The following JAKMIP3 variants were observed in gnomAD, a reference collection of about 807,000 sequenced individuals.
JAKMIP3 encodes Janus kinase and microtubule interacting protein 3, also known as janus kinase and microtubule-interacting protein 3.
A neutral mutation model predicts 118.5 loss-of-function variants in JAKMIP3; 58 were observed. That is an observed-to-expected ratio of 0.49 (90% CI 0.40 to 0.61). JAKMIP3 has a LOEUF of 0.61. JAKMIP3 is among the 20% of genes least tolerant of loss of function. The probability of loss-of-function intolerance (pLI) is 0.00; values close to 1 mark genes in which losing one functional copy is unlikely to be tolerated. For missense variants in JAKMIP3, 950 were observed against 1,109.0 expected (o/e 0.86, Z 2.04); for synonymous variants, 486 against 451.2 (o/e 1.08, Z -0.98).
chr10:132,134,969 C>T (rs529294786), intron 4 of JAKMIP3, 72 bp from the exon 5 acceptor site: 68 of 1,569,342 alleles, frequency 4.3e-5, no homozygotes, highest in African/African-American at 3.6e-4. Context: ...GTTCCCGTAG[C>T]GTGCTGGGAT....
Position 132,145,108 on chromosome 10 carries a change from C to T in JAKMIP3, c.1604C>T (p.Thr535Ile), listed in dbSNP as rs200950786. The change falls in exon 12 of 24, where the codon ACC becomes ATC. Residue 535 changes from threonine to isoleucine, a missense_variant and splice_region_variant. Physicochemically the swap from Thr to Ile is moderately conservative, Grantham distance 89. Transcript: ENST00000684848. ...GTLDAEREVK[T>I]REQLQAEVQR... The stretch of plus-strand genomic sequence containing the variant: ...TGTATCTTTCCTCCCGTCCTACAGA[C>T]CCGTGAGCAGCTACAAGCCGAAGTG... The T allele has an allele frequency of 2.1e-5, 34 of 1,612,000 alleles. No individual in the cohort carries two copies. Among genetic ancestry groups the T allele is most frequent in the East Asian group, 4.5e-5 (2 of 44,848 alleles).
At chr10:132,089,397 G>A (rs914281831) in intron 1 of JAKMIP3, among the ~76,000 whole-genome samples, 4 of 152,156 alleles carry the variant, frequency 2.6e-5, no homozygotes, top group African/African-American at 9.7e-5. Flanking sequence ...GCAGTGGTTT[G>A]TAGTTCTCCT....
rs2039178141 is a variant in JAKMIP3 at position 132,068,060 on chromosome 10, CTTCCGTGTGGACTGTGGGT to C, written c.-138+2003_-138+2021del. 9.3e-5 allele frequency among the ~76,000 whole-genome samples: 13 copies of C among 139,080 alleles called. 1 individual carries two copies. Among genetic ancestry groups the C allele is most frequent in the Admixed American group, 7.3e-4 (10 of 13,734 alleles). 91.2% of individuals were successfully genotyped at this position (139,080 alleles called of 152,430 possible). On this transcript the variant is annotated intron_variant, in intron 1 of 23. Transcript: ENST00000684848. ...TGTGGGCTTCCGTGTGGACTGTGGG[CTTCCGTGTGGACTGTGGGT>C]TTCTGTGTGGACTGTGGGTTTCTGT...
At chr10:132,094,783 GC>G (rs1231766372) in intron 1 of JAKMIP3, among the ~76,000 whole-genome samples, 1 of 152,012 alleles carries the variant, frequency 6.6e-6, no homozygotes, top group Non-Finnish European at 1.5e-5. Context: ...GGTGAGTGGG[GC>G]CCTGGAACTC....
At chr10:132,097,751 GT>G (rs71010000) in intron 1 of JAKMIP3, among the ~76,000 whole-genome samples, 1,828 of 147,044 alleles carry the variant, frequency 0.012, 27 homozygotes, top group African/African-American at 0.028. Context: ...CAAACTAAAA[GT>G]TTTTTTTTTT....
chr10:132,061,995 G>A (rs1040181553), upstream of JAKMIP3, among the ~76,000 whole-genome samples: 1 of 152,188 alleles, frequency 6.6e-6, no homozygotes, highest in African/African-American at 2.4e-5. Context: ...TATCCAGATT[G>A]TAGAACAGCC....
At chr10:132,076,425 G>T (rs1258445866) in intron 1 of JAKMIP3, among the ~76,000 whole-genome samples, 1 of 152,280 alleles carries the variant, frequency 6.6e-6, no homozygotes, top group Non-Finnish European at 1.5e-5. Flanking sequence ...TGACGTTTGG[G>T]TCATTTCCGC....
chr10:132,180,718 T>TGTGTGCGC (rs2061140602), intron 23 of JAKMIP3, among the ~76,000 whole-genome samples: 2 of 18,778 alleles, frequency 1.1e-4, no homozygotes, highest in African/African-American at 6.0e-4. Flanking sequence ...CGCGTGTGTG[T>TGTGTGCGC]GCGTGTGTGT....
intron 1 of JAKMIP3, among the ~76,000 whole-genome samples, chr10:132,074,760 T>C (rs1255257256): frequency 6.6e-6 from 1 of 152,244 alleles, no homozygotes; most frequent in Non-Finnish European, 1.5e-5. Flanking sequence ...CCTAGGCCAA[T>C]GTCCAGAAGA....
At chr10:132,115,405 C>T (rs1346124095) in intron 2 of JAKMIP3, among the ~76,000 whole-genome samples, 2 of 152,244 alleles carry the variant, frequency 1.3e-5, no homozygotes, top group African/African-American at 2.4e-5. Context: ...CCAGAGGAGG[C>T]CTCCGCACAG....
chr10:132,133,585 G>A, intron 4 of JAKMIP3, 58 bp downstream of exon 4: 1 of 1,453,566 alleles, frequency 6.9e-7, no homozygotes, highest in Non-Finnish European at 9.4e-7. Context: ...CTGGCCATGT[G>A]GCTGCATGGC....
intron 3 of JAKMIP3, among the ~76,000 whole-genome samples, chr10:132,128,794 T>G (rs2050081954): frequency 6.6e-6 from 1 of 152,252 alleles, no homozygotes; most frequent in African/African-American, 2.4e-5. Flanking sequence ...TCATTTTCTA[T>G]CTCTATTAGA....
intron 1 of JAKMIP3, among the ~76,000 whole-genome samples, chr10:132,077,398 C>T (rs921870643): frequency 3.9e-5 from 6 of 152,146 alleles, no homozygotes; most frequent in African/African-American, 1.4e-4. Flanking sequence ...AACTTGGTCC[C>T]AGCTCTTCTG....
rs1565020684 is a variant in JAKMIP3 at position 132,180,688 on chromosome 10, T to TGCGC, written c.*1104-1668_*1104-1667insCGCG. On this transcript the variant is annotated intron_variant, in intron 23 of 23. Transcript: ENST00000684848. ...GTGCGTGTGTGTGCGCGCGCGTGTGTGTGCGTGCGTGTGTGTGTGCGCGTG... is the reference window on the plus strand; with the variant it reads ...GTGCGTGTGTGTGCGCGCGCGTGTGTGCGCGTGCGTGCGTGTGTGTGTGCGCGTG... 1.0e-3 allele frequency among the ~76,000 whole-genome samples: 24 copies of TGCGC among 24,082 alleles called. 3 individuals carry two copies. In the East Asian group the frequency reaches 0.029, roughly 29 times the overall value. The allele number at this position is 24,082 out of a possible 152,430, so 15.8% of individuals were successfully genotyped here.
intron 1 of JAKMIP3, among the ~76,000 whole-genome samples, chr10:132,059,128 C>T (rs1313281726): frequency 6.6e-6 from 1 of 152,238 alleles, no homozygotes; most frequent in Non-Finnish European, 1.5e-5. Flanking sequence ...TCAGCTGCCA[C>T]GTCCCTAAAA....
upstream of JAKMIP3, among the ~76,000 whole-genome samples, chr10:132,064,416 C>A (rs2038539482): frequency 6.6e-6 from 1 of 152,168 alleles, no homozygotes; most frequent in Admixed American, 6.5e-5. This position sits in a 1 kb window ranked among gnomAD's most constrained non-coding sequence, Gnocchi z 4.4. Flanking sequence ...GGAGGAGCCA[C>A]CCTCGGGGTC....
In JAKMIP3 at chr10:132,153,861, G is replaced by A. The variant is rs542074875; in HGVS notation, c.2142+34G>A. The A allele has an allele frequency of 8.1e-5, 130 of 1,612,640 alleles. 3 individuals carry two copies. In the South Asian group the frequency reaches 1.2e-3, roughly 15 times the overall value. On this transcript the variant is annotated intron_variant, in intron 18 of 23. Transcript: ENST00000684848. ...CACCTTCACCGAGGTTCTGCGGCTCGGTGCTGCAGGTGGGACATCCGAGAC... is the reference window on the plus strand; with the variant it reads ...CACCTTCACCGAGGTTCTGCGGCTCAGTGCTGCAGGTGGGACATCCGAGAC...
At chr10:132,160,170 T>TCCTGTGTGATGCTGGGTGGGCCTCTC (rs1421173036) in intron 19 of JAKMIP3, among the ~76,000 whole-genome samples, 9 of 40,820 alleles carry the variant, frequency 2.2e-4, no homozygotes, top group Admixed American at 5.8e-4. Context: ...GGGGGTCTCT[T>TCCTGTGTGATGCTGGGTGGGCCTCTC]CCTGTGTGAT....
chr10:132,140,110 C>T (rs1321606187), intron 9 of JAKMIP3, among the ~76,000 whole-genome samples: 2 of 152,334 alleles, frequency 1.3e-5, no homozygotes, highest in South Asian at 2.1e-4. Flanking sequence ...TGAGATCACA[C>T]AGGGAAGGCA....
Sources: gnomAD v4.1 joint callset for allele counts (sites outside exome capture counted in the v4.1 genomes callset) on GRCh38, gnomAD v4.1.1 for gene constraint, Gnocchi (gnomAD v3.1) non-coding constraint, MANE v1.5 for transcripts, NCBI Gene and HGNC (gene_info 2026-07-23, HGNC 2026-07-21) for gene names.